CCDC171: variants seen among roughly 807,000 people sequenced by gnomAD.
CCDC171 encodes the protein coiled-coil domain containing 171.
In CCDC171, 177 loss-of-function variants were observed where a neutral mutation model predicts 168.2. That is an observed-to-expected ratio of 1.05 (90% CI 0.93 to 1.19). The LOEUF (loss-of-function observed/expected upper bound fraction) is 1.19. CCDC171 is among the 50% of genes most tolerant of loss of function. The pLI is 0.00. For missense variants in CCDC171, 1,991 were observed against 1,539.0 expected (o/e 1.29, Z -4.91); for synonymous variants, 687 against 540.8 (o/e 1.27, Z -3.75).
intron 7 of CCDC171, among the ~76,000 whole-genome samples, chr9:15,635,939 C>T (rs1055883235): frequency 6.6e-6 from 1 of 152,168 alleles, no homozygotes; most frequent in Non-Finnish European, 1.5e-5. Flanking sequence ...TCTAGATCCT[C>T]ACCAACAGCT....
intron 25 of CCDC171, among the ~76,000 whole-genome samples, chr9:15,959,093 C>T (rs1830098563): frequency 6.6e-6 from 1 of 152,166 alleles, no homozygotes; most frequent in African/African-American, 2.4e-5. Context: ...GCCACTTACA[C>T]ACACTTGCTA....
intron 21 of CCDC171, among the ~76,000 whole-genome samples, chr9:15,830,342 C>T (rs1024900238): frequency 6.6e-6 from 1 of 152,060 alleles, no homozygotes; most frequent in Non-Finnish European, 1.5e-5. Flanking sequence ...TCACAAATAA[C>T]CTCTGTAGTA....
chr9:16,032,652 C>T (rs970502105), intron 6 of CCDC171, among the ~76,000 whole-genome samples: 1 of 152,164 alleles, frequency 6.6e-6, no homozygotes, highest in African/African-American at 2.4e-5. Context: ...GGGTCTTGCT[C>T]TATTGCCCAG....
intron 6 of CCDC171, among the ~76,000 whole-genome samples, chr9:15,613,297 A>G (rs962518662): frequency 1.3e-5 from 2 of 152,196 alleles, no homozygotes; most frequent in Non-Finnish European, 2.9e-5. Flanking sequence ...GTTCTTGGGA[A>G]TTGTGACTTT....
intron 10 of CCDC171, 39 bp from the exon 11 acceptor site, chr9:15,695,196 A>G (rs764295470): frequency 9.6e-6 from 13 of 1,348,802 alleles, no homozygotes; most frequent in Non-Finnish European, 1.3e-5. Flanking sequence ...AGCTCTTATA[A>G]TACGTGACCT....
At chr9:15,781,017 G>A (rs2057638041) in intron 20 of CCDC171, among the ~76,000 whole-genome samples, 1 of 152,138 alleles carries the variant, frequency 6.6e-6, no homozygotes, top group South Asian at 2.1e-4. Context: ...TACCAAAATG[G>A]ACACAGACAG....
rs775490590 is a variant in CCDC171 at position 15,578,921 on chromosome 9, C to A, written c.250C>A (p.Leu84Met). ...AAAGGGAGAAGCATTGCGACAAAGT[C>A]TGGAATATGACCTAGCTGTTGCTAG... Reference protein sequence around the residue: ...VEKGEALRQSLEYDLAVARKE... With the variant: ...VEKGEALRQSMEYDLAVARKE... The change falls in exon 4 of 26, where the codon CTG (leucine) becomes ATG (methionine). Residue 84 changes from leucine (L) to methionine (M), a missense_variant. Coordinates refer to ENST00000380701, the MANE Select transcript of CCDC171 (RefSeq NM_173550.4). 8 of 1,613,944 alleles carry A rather than the reference C, an allele frequency of 5.0e-6. No homozygotes were observed. In the East Asian group the frequency reaches 1.8e-4, roughly 36 times the overall value.
chr9:15,851,899 G>A (rs145267018), intron 23 of CCDC171, among the ~76,000 whole-genome samples: 4 of 151,930 alleles, frequency 2.6e-5, no homozygotes, highest in East Asian at 1.9e-4. Context: ...ATCTTGTGGC[G>A]TGTATTGATA....
intron 24 of CCDC171, among the ~76,000 whole-genome samples, chr9:15,879,297 T>G (rs1405222287): frequency 1.3e-5 from 2 of 152,094 alleles, no homozygotes; most frequent in African/African-American, 4.8e-5. Context: ...TTTTTTTCAC[T>G]TTTTTTCCTT....
At chr9:15,718,844 G>C (rs2053262478) in intron 11 of CCDC171, among the ~76,000 whole-genome samples, 1 of 152,186 alleles carries the variant, frequency 6.6e-6, no homozygotes, top group African/African-American at 2.4e-5. Context: ...TACTGGGAAA[G>C]CCTTCTCGGG....
At chr9:15,982,687 A>G (rs1422604780) in intron 3 of CCDC171, among the ~76,000 whole-genome samples, 1 of 151,642 alleles carries the variant, frequency 6.6e-6, no homozygotes, top group Admixed American at 6.6e-5. Context: ...CCTTCCTTCT[A>G]CTGACTGGTG....
intron 24 of CCDC171, among the ~76,000 whole-genome samples, chr9:15,911,302 A>T (rs542683942): frequency 6.6e-6 from 1 of 152,240 alleles, no homozygotes; most frequent in South Asian, 2.1e-4. Context: ...ACCAGTGATG[A>T]TGAGCTTTTT....
At chr9:15,986,978 A>C (rs1357090065) in intron 3 of CCDC171, among the ~76,000 whole-genome samples, 1 of 152,172 alleles carries the variant, frequency 6.6e-6, no homozygotes, top group Non-Finnish European at 1.5e-5. Context: ...ATGCTGAAAT[A>C]AACTCCAGAA....
intron 25 of CCDC171, among the ~76,000 whole-genome samples, chr9:15,923,765 T>G (rs1389837727): frequency 6.6e-6 from 1 of 151,458 alleles, no homozygotes; most frequent in Non-Finnish European, 1.5e-5. Context: ...ACATGCAATT[T>G]CATCTTGCAA....
chr9:15,784,009 C>A lies in CCDC171; in HGVS notation c.3082-500C>A, dbSNP rs529710026. Among the ~76,000 whole-genome samples the A allele has an allele frequency of 8.9e-4, 136 of 152,164 alleles. 1 individual carries two copies. Among genetic ancestry groups the A allele is most frequent in the African/African-American group, 2.6e-3 (106 of 41,542 alleles). On this transcript the variant is annotated intron_variant, in intron 20 of 25. Transcript: ENST00000380701. ...AAAGTGAGATGAATTTAGATAATGA[C>A]AATGGCTGTGAAGAAAATAAAACAA... is the stretch of plus-strand genomic sequence containing the variant.
At chr9:15,560,354 T>C (rs2039186988) in intron 1 of CCDC171, among the ~76,000 whole-genome samples, 1 of 152,218 alleles carries the variant, frequency 6.6e-6, no homozygotes, top group African/African-American at 2.4e-5. Flanking sequence ...CCCGTCACTT[T>C]CAGGTACACC....
intron 24 of CCDC171, among the ~76,000 whole-genome samples, chr9:15,913,429 A>G (rs1206671706): frequency 3.3e-5 from 5 of 151,790 alleles, no homozygotes; most frequent in Admixed American, 2.0e-4. Context: ...TTTCTTCTTT[A>G]TTTGTTTGGC....
intron 6 of CCDC171, among the ~76,000 whole-genome samples, chr9:16,028,857 G>A (rs996688832): frequency 2.0e-5 from 3 of 152,170 alleles, no homozygotes; most frequent in African/African-American, 7.2e-5. Context: ...ACTTCCCCTA[G>A]TATTGCACTG....
intron 7 of CCDC171, among the ~76,000 whole-genome samples, chr9:15,656,489 C>T (rs2047947787): frequency 6.6e-6 from 1 of 152,182 alleles, no homozygotes; most frequent in African/African-American, 2.4e-5. Context: ...AGTCAAATGT[C>T]CATCAGTAGG....
Sources: gnomAD v4.1 joint callset for allele counts (sites outside exome capture counted in the v4.1 genomes callset) on GRCh38, gnomAD v4.1.1 for gene constraint, MANE v1.5 for transcripts, NCBI Gene and HGNC (gene_info 2026-07-23, HGNC 2026-07-21) for gene names.